Variants in PFKP observed in about 807,000 individuals in gnomAD.
PFKP encodes the protein ATP-dependent 6-phosphofructokinase, platelet type.
PFKP carries 101 observed loss-of-function variants against 94.3 expected under a neutral mutation model. That is an observed-to-expected ratio of 1.07 (90% CI 0.91 to 1.26). PFKP has a LOEUF of 1.26. PFKP is among the 50% of genes most tolerant of loss of function. The probability of loss-of-function intolerance (pLI) is 0.00; values close to 1 mark genes in which losing one functional copy is unlikely to be tolerated. For synonymous variants in PFKP, 573 were observed against 432.6 expected (o/e 1.32, Z -4.03); for missense variants, 1,145 against 1,103.3 (o/e 1.04, Z -0.53).
At chr10:3,094,222 C>G (rs768509839) in intron 2 of PFKP, among the ~76,000 whole-genome samples, 1 of 152,172 alleles carries the variant, frequency 6.6e-6, no homozygotes, top group African/African-American at 2.4e-5. Context: ...GAAGGGCGAC[C>G]GGCCTCGCTC....
intron 14 of PFKP, among the ~76,000 whole-genome samples, chr10:3,118,535 T>C (rs995395071): frequency 2.0e-5 from 3 of 152,228 alleles, no homozygotes; most frequent in African/African-American, 7.2e-5. Flanking sequence ...GTAGAGTTCT[T>C]TTTAGGTCAA....
chr10:3,095,741 A>T (rs2131506911), intron 2 of PFKP, among the ~76,000 whole-genome samples: 2 of 152,320 alleles, frequency 1.3e-5, no homozygotes, highest in South Asian at 4.1e-4. Context: ...TCTACGTTGT[A>T]GTACGTTTGG....
intron 1 of PFKP, among the ~76,000 whole-genome samples, chr10:3,081,069 A>C (rs12569790): frequency 0.12 from 17,733 of 152,230 alleles, 1,308 homozygotes; most frequent in East Asian, 0.32. Flanking sequence ...TTTGAATATA[A>C]AGTAAATAAG....
intron 8 of PFKP, chr10:3,107,766 C>T (rs1835782908): frequency 1.0e-6 from 1 of 985,206 alleles, no homozygotes; most frequent in Non-Finnish European, 1.2e-6. Context: ...CCACTGTGTC[C>T]TCGTGGCCCT....
At chr10:3,077,487 C>T (rs189148152) in intron 1 of PFKP, among the ~76,000 whole-genome samples, 6 of 151,674 alleles carry the variant, frequency 4.0e-5, no homozygotes, top group Non-Finnish European at 7.4e-5. Flanking sequence ...AGGATGGTCT[C>T]GATCTCCTGA....
rs554319194 is a variant in PFKP at position 3,100,082 on chromosome 10, TGTGA to T, written c.264+731_264+734del. Among the ~76,000 whole-genome samples the T allele has an allele frequency of 8.8e-3, 1,316 of 149,832 alleles. 15 individuals are homozygous for T. The highest frequency in any genetic ancestry group is 0.034 in the South Asian group (162 of 4,768). ...GTGTGTGTGTGTGTGTGTGTGTGTG[TGTGA>T]AAGAGAGTGAGTGAGAGAATGGGAA... On this transcript the variant is annotated intron_variant, in intron 3 of 21. Transcript: ENST00000381125.
At chr10:3,074,295 G>C (rs569681765) in intron 1 of PFKP, among the ~76,000 whole-genome samples, 1 of 152,184 alleles carries the variant, frequency 6.6e-6, no homozygotes, top group African/African-American at 2.4e-5. Flanking sequence ...GACCTGAGAG[G>C]AAAAGCTCCT....
chr10:3,093,763 C>T (rs1202348842), intron 2 of PFKP, among the ~76,000 whole-genome samples: 2 of 151,228 alleles, frequency 1.3e-5, no homozygotes, highest in Non-Finnish European at 2.9e-5. Flanking sequence ...CCCGCCTCAG[C>T]CTCCCGAGCA....
chr10:3,110,737 C>T (rs1388259518), intron 10 of PFKP, among the ~76,000 whole-genome samples: 1 of 152,014 alleles, frequency 6.6e-6, no homozygotes, highest in African/African-American at 2.4e-5. Flanking sequence ...TATGTGTGTG[C>T]ATGTGTATCT....
At chr10:3,108,915 G>C (rs1230424077) in intron 9 of PFKP, 122 bp downstream of exon 9, 2 of 737,310 alleles carry the variant, frequency 2.7e-6, no homozygotes, top group Non-Finnish European at 4.9e-6. Flanking sequence ...CCCGCGGCCC[G>C]GCCCTCATCT....
At chr10:3,133,047 GA>G (rs1223282485) in intron 18 of PFKP, among the ~76,000 whole-genome samples, 155 bp from the exon 19 acceptor site, 44 of 152,338 alleles carry the variant, frequency 2.9e-4, no homozygotes, top group Middle Eastern at 6.8e-3. Context: ...ACAAACTGCA[GA>G]AAGCAAAACC....
At chr10:3,113,590 GTGCCCTCCAT>G in intron 13 of PFKP, 72 bp downstream of exon 13, 1 of 1,410,588 alleles carries the variant, frequency 7.1e-7, no homozygotes, top group South Asian at 1.3e-5. Flanking sequence ...CGGCGGGGGG[GTGCCCTCCAT>G]GGCCCTCATA....
chr10:3,100,868 A>AAAAAAAAAAAAAT (rs1834929877), intron 3 of PFKP: 1 of 876,368 alleles, frequency 1.1e-6, no homozygotes, highest in Non-Finnish European at 1.7e-6. Context: ...GGTGCAAAAA[A>AAAAAAAAAAAAAT]AAAAAAAAAA....
chr10:3,089,346 C>T (rs1203100577), intron 2 of PFKP, among the ~76,000 whole-genome samples: 1 of 152,136 alleles, frequency 6.6e-6, no homozygotes, highest in Non-Finnish European at 1.5e-5. Flanking sequence ...ACCACGTTTT[C>T]TTTGTCCATT....
intron 11 of PFKP, among the ~76,000 whole-genome samples, chr10:3,112,594 G>A (rs562282249): frequency 6.6e-6 from 1 of 152,298 alleles, no homozygotes; most frequent in South Asian, 2.1e-4. Flanking sequence ...GTCTCCTTCT[G>A]TTGCCTAGGC....
At chr10:3,095,411 C>G (rs963138792) in intron 2 of PFKP, among the ~76,000 whole-genome samples, 3 of 152,314 alleles carry the variant, frequency 2.0e-5, no homozygotes, top group Admixed American at 6.5e-5. Flanking sequence ...GAAATGACTT[C>G]AGAGCCTGTG....
At chr10:3,100,082 T>TGA (rs1834852127) in intron 3 of PFKP, among the ~76,000 whole-genome samples, 1 of 149,750 alleles carries the variant, frequency 6.7e-6, no homozygotes, top group Admixed American at 6.6e-5. Context: ...TGTGTGTGTG[T>TGA]GTGAAAGAGA....
intron 8 of PFKP, 149 bp downstream of exon 8, chr10:3,107,458 C>T (rs1835745874): frequency 1.1e-5 from 7 of 615,608 alleles, no homozygotes; most frequent in South Asian, 2.0e-5. Flanking sequence ...AGAAGTTGGA[C>T]GGCAGGGGAA....
rs150546915 is a variant in PFKP at position 3,116,716 on chromosome 10, A to G, written c.1372-60A>G. 852 of 1,270,796 alleles carry G rather than the reference A, an allele frequency of 6.7e-4. 5 individuals carry two copies. In the African/African-American group the frequency reaches 0.011, roughly 16 times the overall value. 78.7% of individuals were successfully genotyped at this position (1,270,796 alleles called of 1,614,324 possible). ...AAAAGTACAGAAAGCTATTTTTAGC[A>G]CTTTGCAACTTGCCTTTCATTGTTC... On this transcript the variant is annotated intron_variant, in intron 13 of 21. Coordinates refer to ENST00000381125, the MANE Select transcript of PFKP (RefSeq NM_002627.5).
Sources: gnomAD v4.1 joint callset for allele counts (sites outside exome capture counted in the v4.1 genomes callset) on GRCh38, gnomAD v4.1.1 for gene constraint, MANE v1.5 for transcripts, NCBI Gene and HGNC (gene_info 2026-07-23, HGNC 2026-07-21) for gene names.